Variants in MYLK observed in about 807,000 individuals in gnomAD.
MYLK encodes the protein myosin light chain kinase.
MYLK carries 106 observed loss-of-function variants against 203.4 expected under a neutral mutation model. The observed-to-expected ratio is 0.52, with a 90% confidence interval of 0.45 to 0.61. MYLK has a LOEUF of 0.61. Ranked by LOEUF, MYLK falls within the 20% of genes least tolerant of loss-of-function variation. The pLI, the probability that MYLK is intolerant of heterozygous loss-of-function variation, is 0.00. For synonymous variants in MYLK, 867 were observed against 959.5 expected (o/e 0.90, Z 1.78); for missense variants, 2,072 against 2,442.3 (o/e 0.85, Z 3.20).
Position 123,618,654 on chromosome 3 carries a change from C to A in MYLK, c.5485G>T (p.Asp1829Tyr). Reference protein sequence around the residue: ...EVVEGSAARFDCKIEGYPDPE... With the variant: ...EVVEGSAARFYCKIEGYPDPE... The stretch of plus-strand genomic sequence containing the variant: ...TACAACTTACCTTCAATCTTGCAGT[C>A]AAATCTAGCAGCACTTCCCTCCACA... Residue 1829 changes from aspartate to tyrosine, a missense_variant, in exon 33 of 34, where the codon GAC (aspartate) becomes TAC (tyrosine). By Grantham distance (160) the Asp-to-Tyr change is radical. This residue lies in a region of MYLK where 524 missense variants were observed against 782.4 expected (regional missense o/e 0.67). Coordinates refer to ENST00000360304, the MANE Select transcript of MYLK (RefSeq NM_053025.4). The A allele has an allele frequency of 6.2e-7, 1 of 1,614,010 alleles. No homozygotes were observed. Among genetic ancestry groups the A allele is most frequent in the South Asian group, 1.1e-5 (1 of 91,022 alleles).
intron 3 of MYLK, among the ~76,000 whole-genome samples, chr3:123,822,571 T>C (rs1343171193): frequency 1.3e-5 from 2 of 152,208 alleles, no homozygotes; most frequent in African/African-American, 4.8e-5. Flanking sequence ...CATCAATCAG[T>C]GGGCAAAGAG....
At chr3:123,798,549 T>C (rs1037587555) in intron 3 of MYLK, among the ~76,000 whole-genome samples, 1 of 152,114 alleles carries the variant, frequency 6.6e-6, no homozygotes, top group Non-Finnish European at 1.5e-5. Flanking sequence ...CAGAGGCCCA[T>C]GGAAATCTCC....
chr3:123,793,880 G>C (rs773421049), intron 3 of MYLK, 36 bp from the exon 4 acceptor site: 4 of 1,612,728 alleles, frequency 2.5e-6, no homozygotes, highest in Non-Finnish European at 3.4e-6. Flanking sequence ...GGTCAGATCA[G>C]ACAAAGCACA....
chr3:123,662,732 A>G (rs2059604697), intron 23 of MYLK, among the ~76,000 whole-genome samples: 1 of 152,244 alleles, frequency 6.6e-6, no homozygotes, highest in Non-Finnish European at 1.5e-5. Context: ...CACCAGGAAC[A>G]CACAGGAAAG....
At chr3:123,765,508 G>C (rs2063675161) in intron 4 of MYLK, among the ~76,000 whole-genome samples, 1 of 150,202 alleles carries the variant, frequency 6.7e-6, no homozygotes, top group South Asian at 2.1e-4. Context: ...TCTAGCCTGG[G>C]TAACAGAGTG....
rs115620792 is a variant in MYLK, at chr3:123,651,919, T to G, written c.4289-2725A>C. Among the ~76,000 whole-genome samples, 553 of 152,336 alleles carry G rather than the reference T, an allele frequency of 3.6e-3. 3 individuals are homozygous for G. Among genetic ancestry groups the G allele is most frequent in the African/African-American group, 0.013 (528 of 41,586 alleles). ...ATTCCAGCCCCTCTTTCTAGTGCAC[T>G]GTGTTCCTTTATGCTGCAGGAAACT... is the stretch of plus-strand genomic sequence containing the variant. On this transcript the variant is annotated intron_variant, in intron 24 of 33. Coordinates refer to ENST00000360304, the MANE Select transcript of MYLK (RefSeq NM_053025.4).
chr3:123,690,596 T>C (rs955921701), intron 19 of MYLK, among the ~76,000 whole-genome samples: 1 of 152,136 alleles, frequency 6.6e-6, no homozygotes, highest in East Asian at 1.9e-4. Context: ...TTTACTACTT[T>C]CCTAGAGAGG....
intron 11 of MYLK, among the ~76,000 whole-genome samples, chr3:123,728,550 C>G (rs1259288940): frequency 9.2e-5 from 14 of 151,518 alleles, no homozygotes; most frequent in Admixed American, 9.2e-4. Context: ...CCCCAAACAA[C>G]AATACCCTGC....
intron 3 of MYLK, among the ~76,000 whole-genome samples, chr3:123,807,305 T>A (rs2065403229): frequency 6.6e-6 from 1 of 151,966 alleles, no homozygotes; most frequent in Non-Finnish European, 1.5e-5. Context: ...GGCAGGCGCC[T>A]GTAATCCCAG....
Position 123,793,646 on chromosome 3 carries a change from C to T in MYLK, c.165+31G>A, listed in dbSNP as rs372821644. 2.5e-6 allele frequency: 4 copies of T among 1,613,434 alleles called. No homozygotes were observed. The African/African-American group carries it at 5.3e-5, about 22-fold the overall frequency. On this transcript the variant is annotated intron_variant, in intron 4 of 33. Coordinates refer to ENST00000360304, the MANE Select transcript of MYLK (RefSeq NM_053025.4). ...GCAGCGGCCCCTGCCCATCCTTCCC[C>T]ACAGCCTCCCCATCCAGCCACACTT... is the stretch of plus-strand genomic sequence containing the variant.
At chr3:123,758,423 T>TA (rs2063429129) in intron 4 of MYLK, among the ~76,000 whole-genome samples, 2 of 152,170 alleles carry the variant, frequency 1.3e-5, no homozygotes, top group Admixed American at 1.3e-4. Context: ...TGCTTCCGTG[T>TA]AAATAAAACC....
At chr3:123,764,161 G>C (rs151315252) in intron 4 of MYLK, among the ~76,000 whole-genome samples, 2 of 152,310 alleles carry the variant, frequency 1.3e-5, no homozygotes, top group African/African-American at 2.4e-5. Context: ...TCTGAGGTGA[G>C]AGAAACTTCT....
At chr3:123,754,730 T>C (rs2063309726) in intron 4 of MYLK, among the ~76,000 whole-genome samples, 1 of 152,234 alleles carries the variant, frequency 6.6e-6, no homozygotes, top group African/African-American at 2.4e-5. Context: ...CTGAGAGTTC[T>C]GCAATAGTAC....
chr3:123,856,726 T>C (rs947655825), intron 2 of MYLK, among the ~76,000 whole-genome samples: 5 of 152,136 alleles, frequency 3.3e-5, no homozygotes, highest in East Asian at 1.9e-4. Context: ...CAAACCCAAA[T>C]TGTTTCCATA....
At position 123,640,277 on chromosome 3, in the gene MYLK, T is replaced by C. The variant is rs2058785894; in HGVS notation, c.4837+10A>G. 2 of 1,613,330 alleles carry C rather than the reference T, an allele frequency of 1.2e-6. No individual in the cohort carries two copies. Among genetic ancestry groups the C allele is most frequent in the African/African-American group, 1.3e-5 (1 of 74,804 alleles). The stretch of plus-strand genomic sequence containing the variant: ...CACTGGTGTCCATGGGAGAGGCAGA[T>C]GAGCCTTACCCAGCCTCCTGGCCAG... On this transcript the variant is annotated intron_variant, in intron 28 of 33. Transcript: ENST00000360304. This position sits in a 1 kb window ranked among gnomAD's most constrained non-coding sequence, Gnocchi z 4.3.
intron 2 of MYLK, among the ~76,000 whole-genome samples, chr3:123,864,741 C>T (rs1001269505): frequency 6.6e-6 from 1 of 151,906 alleles, no homozygotes; most frequent in African/African-American, 2.4e-5. Context: ...CCTGTCTTTA[C>T]AAAAAGTAAA....
intron 4 of MYLK, among the ~76,000 whole-genome samples, chr3:123,780,714 G>A (rs113584689): frequency 2.6e-5 from 4 of 152,160 alleles, no homozygotes; most frequent in African/African-American, 7.2e-5. Context: ...TTGGCATCAC[G>A]GGCTGACTGC....
chr3:123,773,616 T>C (rs894260716), intron 4 of MYLK, among the ~76,000 whole-genome samples: 26 of 152,152 alleles, frequency 1.7e-4, no homozygotes, highest in African/African-American at 4.6e-4. Flanking sequence ...TAAAACCAAA[T>C]GGGCTTCAGC....
intron 18 of MYLK, among the ~76,000 whole-genome samples, chr3:123,695,878 G>A (rs141655861): frequency 2.6e-5 from 4 of 152,134 alleles, no homozygotes; most frequent in Admixed American, 6.5e-5. Flanking sequence ...CTCAGCTCAC[G>A]GGACCATCGG....
Sources: allele counts gnomAD v4.1 joint callset (sites outside exome capture counted in the v4.1 genomes callset), GRCh38; gene constraint gnomAD v4.1.1; regional missense constraint gnomAD v4.1.1; non-coding constraint Gnocchi (gnomAD v3.1); transcripts MANE v1.5; gene names NCBI Gene and HGNC (gene_info 2026-07-23, HGNC 2026-07-21).